The following RABL6 variants were observed in gnomAD, a reference collection of about 807,000 sequenced individuals.
RABL6 encodes rab-like protein 6.
In RABL6, 28 loss-of-function variants were observed where a neutral mutation model predicts 72.9. The observed-to-expected ratio is 0.38, with a 90% CI of 0.28 to 0.53. The LOEUF (loss-of-function observed/expected upper bound fraction) is 0.53. RABL6 is among the 20% of genes least tolerant of loss of function. The pLI is 0.80. For synonymous variants in RABL6, 477 were observed against 421.2 expected, an observed-to-expected ratio of 1.13 and a Z score of -1.62; for missense variants, 1,029 against 1,008.4, an observed-to-expected ratio of 1.02 and a Z score of -0.28.
intron 1 of RABL6, among the ~76,000 whole-genome samples, chr9:136,819,252 G>A (rs974034230): frequency 1.3e-5 from 2 of 151,516 alleles, no homozygotes; most frequent in Non-Finnish European, 2.9e-5. Flanking sequence ...AACCCGGGAG[G>A]CGGAGCTTGC....
At chr9:136,809,410 T>G in intron 1 of RABL6, 1 of 282,604 alleles carries the variant, frequency 3.5e-6, no homozygotes. Flanking sequence ...CGGGCCACCC[T>G]CACCCAGACA....
At chr9:136,818,840 G>A (rs1220423096) in intron 1 of RABL6, among the ~76,000 whole-genome samples, 1 of 152,126 alleles carries the variant, frequency 6.6e-6, no homozygotes, top group Non-Finnish European at 1.5e-5. Flanking sequence ...ACTACCAGAA[G>A]TAACACAGCC....
At chr9:136,834,284 T>C (rs983807070) in intron 7 of RABL6, 4 of 1,062,400 alleles carry the variant, frequency 3.8e-6, no homozygotes, top group Middle Eastern at 4.2e-4. Flanking sequence ...ACAGAAGGTT[T>C]TTCTTGGAGA....
Position 136,818,368 on chromosome 9 carries a change from A to C in RABL6, c.131-5157A>C, listed in dbSNP as rs1433908873. The stretch of plus-strand genomic sequence containing the variant: ...ACAAAACCAGACTCTGTCTCAAAAA[A>C]AAAAAAAAAAAAAAAAAAAAAAAAA... On this transcript the variant is annotated intron_variant, in intron 1 of 14. Transcript: ENST00000311502. 6.2e-3 allele frequency among the ~76,000 whole-genome samples: 180 copies of C among 29,236 alleles called. 6 individuals carry two copies. Among genetic ancestry groups the C allele is most frequent in the East Asian group, 0.03 (23 of 756 alleles). 19.2% of individuals were successfully genotyped at this position (29,236 alleles called of 152,430 possible).
chr9:136,820,590 C>T (rs995650500), intron 1 of RABL6, among the ~76,000 whole-genome samples: 113 of 152,114 alleles, frequency 7.4e-4, no homozygotes, highest in Non-Finnish European at 1.3e-3. Flanking sequence ...AGGCTGGTCT[C>T]GAACTCCTGA....
chr9:136,809,671 C>G (rs969701035), intron 1 of RABL6: 1 of 160,760 alleles, frequency 6.2e-6, no homozygotes, highest in African/African-American at 2.4e-5. Context: ...GCCGTATTGG[C>G]TTTTCTTATA....
At chr9:136,829,582 G>T (rs553715732) in intron 5 of RABL6, 98 bp downstream of exon 5, 1 of 1,104,522 alleles carries the variant, frequency 9.1e-7, no homozygotes, top group Non-Finnish European at 1.3e-6. Context: ...GAGCAGCATC[G>T]TTCTGCAGGA....
At chr9:136,813,494 C>A in intron 1 of RABL6, 1 of 466,768 alleles carries the variant, frequency 2.1e-6, no homozygotes, top group Non-Finnish European at 3.9e-6. Flanking sequence ...GGCCATCCAT[C>A]TCTGTTCCCT....
chr9:136,832,249 TC>T lies in RABL6; in HGVS notation c.600-14del, dbSNP rs749110584. The T allele has an allele frequency of 1.4e-4, 221 of 1,608,338 alleles. No homozygotes were observed. The highest frequency in any genetic ancestry group is 1.8e-4 in the Non-Finnish European group (208 of 1,175,066). ...AAGGGTCTTTCTCTTGCATCTTTTT[TC>T]CTTTCTGAAAGCAGACCTCCAGGTT... On this transcript the variant is annotated splice_polypyrimidine_tract_variant and intron_variant, in intron 6 of 14. Coordinates refer to ENST00000311502, the MANE Select transcript of RABL6 (RefSeq NM_024718.5).
intron 10 of RABL6, among the ~76,000 whole-genome samples, chr9:136,838,307 G>A (rs1173954188): frequency 2.0e-5 from 3 of 152,216 alleles, no homozygotes. Context: ...AGAGGCCACT[G>A]CAGGTCATAT....
intron 1 of RABL6, among the ~76,000 whole-genome samples, chr9:136,819,972 A>G (rs1848204332): frequency 6.6e-6 from 1 of 152,084 alleles, no homozygotes; most frequent in Non-Finnish European, 1.5e-5. Flanking sequence ...GGAGGCCAAG[A>G]TGGGCGGATT....
chr9:136,828,278 G>A, intron 3 of RABL6: 1 of 561,712 alleles, frequency 1.8e-6, no homozygotes, highest in Non-Finnish European at 3.2e-6. Context: ...CTCCTGTCCA[G>A]GCCCGGCCCA....
intron 1 of RABL6, among the ~76,000 whole-genome samples, chr9:136,817,553 A>AGGGGAGGCCGACGGCTGT (rs1564360334): frequency 1.2e-3 from 21 of 17,038 alleles, no homozygotes; most frequent in Non-Finnish European, 3.2e-3. Context: ...ACGTGGGCTG[A>AGGGGAGGCCGACGGCTGT]GGGGAGGCCG....
chr9:136,832,021 C>T (rs544148112), intron 6 of RABL6, 160 bp downstream of exon 6: 33 of 1,165,116 alleles, frequency 2.8e-5, no homozygotes, highest in Admixed American at 1.1e-4. Context: ...TGGGTCTCCC[C>T]GATGGCAGGG....
rs1014418283 is a variant in RABL6 at position 136,808,005 on chromosome 9, G to C, written c.-192G>C. ...CGCCGGAGGCCGCGGGGGCCGGAGC[G>C]GAGCAGCCGCGGCTGAGGTTCCCGA... On this transcript the variant is annotated 5_prime_UTR_variant, in exon 1 of 15. Coordinates refer to ENST00000311502, the MANE Select transcript of RABL6 (RefSeq NM_024718.5). 6 of 1,021,906 alleles carry C rather than the reference G, an allele frequency of 5.9e-6. No homozygotes were observed. The highest frequency in any genetic ancestry group is 7.0e-6 in the Non-Finnish European group (6 of 854,890). 63.3% of individuals were successfully genotyped at this position (1,021,906 alleles called of 1,614,324 possible).
rs763877261 is a variant in RABL6, at chr9:136,808,187, G to T, written c.-10G>T. Reference sequence around the variant, plus strand: ...CGGCCGCGCCCGGGCTGGGACGTCCGAGCGGGAAGATGTTTTCCGCCCTGA... The same window carrying T: ...CGGCCGCGCCCGGGCTGGGACGTCCTAGCGGGAAGATGTTTTCCGCCCTGA... On this transcript the variant is annotated 5_prime_UTR_variant, in exon 1 of 15. Coordinates refer to ENST00000311502, the MANE Select transcript of RABL6 (RefSeq NM_024718.5). The T allele has an allele frequency of 2.0e-6, 3 of 1,514,210 alleles. No individual in the cohort carries two copies. Among genetic ancestry groups the T allele is most frequent in the Non-Finnish European group, 2.7e-6 (3 of 1,131,508 alleles). 93.8% of individuals were successfully genotyped at this position (1,514,210 alleles called of 1,614,324 possible). A position where few individuals can be genotyped will look rare whatever the true frequency, so the allele number is the denominator to read the frequency against.
At chr9:136,818,380 A>G (rs1314623846) in intron 1 of RABL6, among the ~76,000 whole-genome samples, 1 of 119,922 alleles carries the variant, frequency 8.3e-6, no homozygotes, top group Non-Finnish European at 1.6e-5. Flanking sequence ...AAAAAAAAAA[A>G]AAAAAAAAAA....
At chr9:136,831,544 G>A (rs1446969491) in intron 5 of RABL6, among the ~76,000 whole-genome samples, 177 bp from the exon 6 acceptor site, 2 of 152,102 alleles carry the variant, frequency 1.3e-5, no homozygotes, top group South Asian at 2.1e-4. Flanking sequence ...TGAGGGGTGC[G>A]AAGGCCCTCG....
At chr9:136,824,926 C>T (rs752282352) in intron 2 of RABL6, among the ~76,000 whole-genome samples, 5 of 152,320 alleles carry the variant, frequency 3.3e-5, no homozygotes, top group African/African-American at 7.2e-5. Flanking sequence ...TCTGCTCAGG[C>T]GACGTGGATG....
Sources: gnomAD v4.1 joint callset for allele counts (sites outside exome capture counted in the v4.1 genomes callset) on GRCh38, gnomAD v4.1.1 for gene constraint, MANE v1.5 for transcripts, NCBI Gene and HGNC (gene_info 2026-07-23, HGNC 2026-07-21) for gene names.